MOCOS: variants seen among roughly 807,000 people sequenced by gnomAD.
MOCOS encodes the protein human molybdenum cofactor sulfurase.
A neutral mutation model predicts 83.6 loss-of-function variants in MOCOS; 86 were observed. The ratio of observed to expected loss-of-function variants is 1.03; its 90% CI spans 0.86 to 1.23. MOCOS has a LOEUF of 1.23. MOCOS is among the 50% of genes most tolerant of loss of function. The pLI is 0.00. For missense variants in MOCOS, 1,120 were observed against 1,126.9 expected, an observed-to-expected ratio of 0.99 and a Z score of 0.09; for synonymous variants, 445 against 434.7, an observed-to-expected ratio of 1.02 and a Z score of -0.29.
chr18:36,257,151 G>A, intron 12 of MOCOS, 78 bp downstream of exon 12: 3 of 1,258,842 alleles, frequency 2.4e-6, no homozygotes, highest in Non-Finnish European at 3.5e-6. Context: ...CCTGCCTGGA[G>A]CGGAGAGATC....
intron 9 of MOCOS, among the ~76,000 whole-genome samples, chr18:36,225,632 T>C (rs1400178884): frequency 6.6e-6 from 1 of 152,188 alleles, no homozygotes; most frequent in Non-Finnish European, 1.5e-5. Flanking sequence ...CCTTGTGGTG[T>C]AAAATTAGGT....
chr18:36,266,921 C>A, intron 14 of MOCOS, 68 bp downstream of exon 14: 1 of 1,277,978 alleles, frequency 7.8e-7, no homozygotes, highest in South Asian at 1.2e-5. Flanking sequence ...GAACTATGTT[C>A]ATAATAGCAC....
chr18:36,200,426 C>G, intron 4 of MOCOS, 102 bp downstream of exon 4: 1 of 1,424,772 alleles, frequency 7.0e-7, no homozygotes, highest in Non-Finnish European at 9.6e-7. Flanking sequence ...CTTTGAGGGT[C>G]AGCAGAATTC....
intron 7 of MOCOS, among the ~76,000 whole-genome samples, chr18:36,214,553 G>A (rs2091468575): frequency 6.6e-6 from 1 of 151,970 alleles, no homozygotes; most frequent in Non-Finnish European, 1.5e-5. Flanking sequence ...TTCACTTCAG[G>A]GTATAGCCTG....
Position 36,218,367 on chromosome 18 carries a change from C to G in MOCOS, c.1798-1688C>G, listed in dbSNP as rs1295725049. 2.5e-4 allele frequency among the ~76,000 whole-genome samples: 38 copies of G among 151,572 alleles called. 1 individual carries two copies. The highest frequency in any genetic ancestry group is 1.5e-5 in the Non-Finnish European group (1 of 67,920). On this transcript the variant is annotated intron_variant, in intron 8 of 14. Transcript: ENST00000261326. ...TTTTTTCTTTTAGAGAAACACACCA[C>G]CAGGAAGAACATTTGTACCTTATCT...
At chr18:36,190,289 C>T (rs2091359956) in intron 1 of MOCOS, 1 of 152,146 alleles carries the variant, frequency 6.6e-6, no homozygotes, top group Admixed American at 6.5e-5. Context: ...TGGACTAGCT[C>T]ATACATTTGA....
intron 9 of MOCOS, among the ~76,000 whole-genome samples, chr18:36,235,904 T>A (rs1439675974): frequency 6.6e-6 from 1 of 152,034 alleles, no homozygotes; most frequent in Admixed American, 6.6e-5. Flanking sequence ...TTTTTTCATG[T>A]GTTTTTTGCC....
At position 36,196,236 on chromosome 18, in the gene MOCOS, T is replaced by C. The variant is rs1434163811; in HGVS notation, c.232+890T>C. Among the ~76,000 whole-genome samples, 3 of 152,250 alleles carry C rather than the reference T, an allele frequency of 2.0e-5. No homozygotes were observed. The East Asian group carries it at 5.8e-4, about 29-fold the overall frequency. On this transcript the variant is annotated intron_variant, in intron 2 of 14. Transcript: ENST00000261326. Reference sequence around the variant, plus strand: ...ACTTTGGAAAGGGAACTTGAAATCATAGTGGCAGTAGCAATTGTAATATTT... The same window carrying C: ...ACTTTGGAAAGGGAACTTGAAATCACAGTGGCAGTAGCAATTGTAATATTT...
At chr18:36,224,118 A>T (rs948451802) in intron 9 of MOCOS, among the ~76,000 whole-genome samples, 2 of 152,156 alleles carry the variant, frequency 1.3e-5, no homozygotes, top group Non-Finnish European at 2.9e-5. Flanking sequence ...AGATTTTTGC[A>T]TGTTGATGTG....
intron 9 of MOCOS, among the ~76,000 whole-genome samples, chr18:36,246,043 A>C (rs1389462882): frequency 6.6e-6 from 1 of 151,784 alleles, no homozygotes; most frequent in Non-Finnish European, 1.5e-5. Flanking sequence ...TATTTTTTTA[A>C]ATTTCTTTAA....
chr18:36,214,847 C>T (rs11875272), intron 7 of MOCOS, among the ~76,000 whole-genome samples: 1,596 of 152,266 alleles, frequency 0.01, 30 homozygotes, highest in African/African-American at 0.035. Flanking sequence ...TCCATTTGTT[C>T]GGGTGTCTGA....
chr18:36,260,288 AC>A, intron 13 of MOCOS, 113 bp downstream of exon 13: 1 of 1,397,712 alleles, frequency 7.2e-7, no homozygotes. Context: ...TTGTCTCTTA[AC>A]TACAAAATCT....
At position 36,211,336 on chromosome 18, in the gene MOCOS, G is replaced by A. The variant is rs1316714406; in HGVS notation, c.1219-2030G>A. Among the ~76,000 whole-genome samples, 3 of 151,458 alleles carry A rather than the reference G, an allele frequency of 2.0e-5. No homozygotes were observed. In the East Asian group the frequency reaches 5.8e-4, roughly 29 times the overall value. ...TCACTGCATGGTGATTAAGAGCAGGGACTCAGAGTCTGTCTGCCTCTTGCC... is the reference window on the plus strand; with the variant it reads ...TCACTGCATGGTGATTAAGAGCAGGAACTCAGAGTCTGTCTGCCTCTTGCC... On this transcript the variant is annotated intron_variant, in intron 6 of 14. Transcript: ENST00000261326.
chr18:36,187,820 C>T, intron 1 of MOCOS, 139 bp downstream of exon 1: 1 of 994,406 alleles, frequency 1.0e-6, no homozygotes, highest in East Asian at 3.3e-5. Context: ...GTCCACGCGT[C>T]CTCCTAGTAG....
At chr18:36,204,042 G>A (rs147700212) in intron 5 of MOCOS, among the ~76,000 whole-genome samples, 10 of 152,244 alleles carry the variant, frequency 6.6e-5, no homozygotes, top group African/African-American at 1.9e-4. Context: ...CTATGTCATT[G>A]TTCCTTTTTT....
intron 13 of MOCOS, among the ~76,000 whole-genome samples, chr18:36,264,771 C>T (rs1258129503): frequency 6.6e-6 from 1 of 151,120 alleles, no homozygotes; most frequent in Non-Finnish European, 1.5e-5. Context: ...TGAGCGTCAA[C>T]CTAAAAAAAA....
chr18:36,219,950 T>C, intron 8 of MOCOS, 105 bp from the exon 9 acceptor site: 1 of 1,384,394 alleles, frequency 7.2e-7, no homozygotes, highest in South Asian at 1.2e-5. Context: ...CCAGTGTAGG[T>C]GCTGAATTCA....
Position 36,199,670 on chromosome 18 carries a change from G to A in MOCOS, c.300-13G>A, listed in dbSNP as rs1568049388. ...GAGATCCGCGGGTTGCGGGGATGCTGTGCTTCTTCCAGAATCCTGGCGCAC... is the reference window on the plus strand; with the variant it reads ...GAGATCCGCGGGTTGCGGGGATGCTATGCTTCTTCCAGAATCCTGGCGCAC... On this transcript the variant is annotated splice_polypyrimidine_tract_variant and intron_variant, in intron 3 of 14. Transcript: ENST00000261326. The A allele has an allele frequency of 1.9e-6, 3 of 1,613,042 alleles. No homozygotes were observed. The highest frequency in any genetic ancestry group is 2.5e-6 in the Non-Finnish European group (3 of 1,180,038).
intron 14 of MOCOS, among the ~76,000 whole-genome samples, chr18:36,267,778 C>A (rs1257160970): frequency 6.6e-6 from 1 of 152,162 alleles, no homozygotes; most frequent in Non-Finnish European, 1.5e-5. Flanking sequence ...AATAGTGTTT[C>A]TCAGCATCAC....
Sources: gnomAD v4.1 joint callset for allele counts (sites outside exome capture counted in the v4.1 genomes callset) on GRCh38, gnomAD v4.1.1 for gene constraint, MANE v1.5 for transcripts, NCBI Gene and HGNC (gene_info 2026-07-23, HGNC 2026-07-21) for gene names.